The following PRDM16 variants were observed in gnomAD, a reference collection of about 807,000 sequenced individuals.
PRDM16 encodes histone-lysine N-methyltransferase PRDM16.
Under a neutral mutation model 110.6 loss-of-function variants are expected in PRDM16, and 23 were observed. That is an observed-to-expected ratio of 0.21 (90% confidence interval 0.15 to 0.29). The LOEUF (loss-of-function observed/expected upper bound fraction) is 0.29. Among genes scored for constraint, PRDM16 ranks in the 10% least tolerant of loss-of-function variants. PRDM16 has a pLI of 1.00. For missense variants in PRDM16, 1,615 were observed against 1,794.3 expected, an observed-to-expected ratio of 0.90 and a Z score of 1.81; for synonymous variants, 799 against 781.8, an observed-to-expected ratio of 1.02 and a Z score of -0.37.
chr1:3,080,788 G>A lies in PRDM16; in HGVS notation c.37+11492G>A, dbSNP rs998438708. Among the ~76,000 whole-genome samples, 12 of 152,236 alleles carry A rather than the reference G, an allele frequency of 7.9e-5. No homozygotes were observed. Among genetic ancestry groups the A allele is most frequent in the African/African-American group, 2.6e-4 (11 of 41,544 alleles). ...CTTCCGGGCCGGGGAAATCTGAGCAGCCACAGGCGAATCTGGGACGATGGC... is the reference window on the plus strand; with the variant it reads ...CTTCCGGGCCGGGGAAATCTGAGCAACCACAGGCGAATCTGGGACGATGGC... On this transcript the variant is annotated intron_variant, in intron 1 of 16. Coordinates refer to ENST00000270722, the MANE Select transcript of PRDM16 (RefSeq NM_022114.4). This position sits in a 1 kb window ranked among gnomAD's most constrained non-coding sequence, Gnocchi z 5.2.
intron 3 of PRDM16, among the ~76,000 whole-genome samples, chr1:3,248,625 G>A (rs1294167403): frequency 6.6e-6 from 1 of 152,190 alleles, no homozygotes; most frequent in Admixed American, 6.5e-5. Context: ...AAGTCATTCC[G>A]CCGGAAGAGG....
chr1:3,434,045 C>T lies in PRDM16; in HGVS notation c.*234C>T, dbSNP rs928307083. 3.1e-5 allele frequency: 15 copies of T among 487,604 alleles called. No homozygotes were observed. Among genetic ancestry groups the T allele is most frequent in the Non-Finnish European group, 5.0e-5 (14 of 277,230 alleles). 30.2% of individuals were successfully genotyped at this position (487,604 alleles called of 1,614,324 possible). A position where few individuals can be genotyped will look rare whatever the true frequency, so the allele number is the denominator to read the frequency against. On this transcript the variant is annotated 3_prime_UTR_variant, in exon 17 of 17. Coordinates refer to ENST00000270722, the MANE Select transcript of PRDM16 (RefSeq NM_022114.4). ...TGGTCTTGAGAACACTGTTCAGTGACGGCCATGCAGGTGGCCGTCCAAAGA... is the reference window on the plus strand; with the variant it reads ...TGGTCTTGAGAACACTGTTCAGTGATGGCCATGCAGGTGGCCGTCCAAAGA...
At chr1:3,427,286 C>T (rs577900306) in intron 14 of PRDM16, among the ~76,000 whole-genome samples, 1 of 152,202 alleles carries the variant, frequency 6.6e-6, no homozygotes, top group Admixed American at 6.5e-5. Flanking sequence ...GGCAGAGAAC[C>T]GAAGGTGTTC....
chr1:3,329,989 G>C (rs1034846128), intron 3 of PRDM16, among the ~76,000 whole-genome samples: 1 of 152,262 alleles, frequency 6.6e-6, no homozygotes, highest in Admixed American at 6.5e-5. Flanking sequence ...GGAGATCACT[G>C]TCCCTTTAAG....
chr1:3,259,405 G>T (rs181169701), intron 3 of PRDM16, among the ~76,000 whole-genome samples: 13 of 152,214 alleles, frequency 8.5e-5, no homozygotes, highest in Admixed American at 3.3e-4. Flanking sequence ...GGGTGGTAGA[G>T]GCCACCCCTT....
intron 1 of PRDM16, among the ~76,000 whole-genome samples, chr1:3,114,132 A>G (rs181796109): frequency 2.0e-5 from 3 of 152,200 alleles, no homozygotes; most frequent in Non-Finnish European, 2.9e-5. Flanking sequence ...AGCGGCGTGT[A>G]TCTCTGCACA....
intron 1 of PRDM16, among the ~76,000 whole-genome samples, chr1:3,162,240 G>A (rs569023687): frequency 2.2e-4 from 34 of 152,228 alleles, no homozygotes; most frequent in Non-Finnish European, 4.0e-4. Context: ...GGAAAACCCC[G>A]TGCCCGGTAA....
chr1:3,096,813 T>C (rs1265271946), intron 1 of PRDM16, among the ~76,000 whole-genome samples: 1 of 152,200 alleles, frequency 6.6e-6, no homozygotes, highest in Non-Finnish European at 1.5e-5. Flanking sequence ...CCAGTGCCTG[T>C]CTTTCCTTGT....
chr1:3,217,589 C>T (rs1275132070), intron 2 of PRDM16, among the ~76,000 whole-genome samples: 1 of 152,208 alleles, frequency 6.6e-6, no homozygotes, highest in East Asian at 1.9e-4. Context: ...GTGCGCTGGC[C>T]TAAGTCTACG....
chr1:3,130,298 G>A (rs750985947), intron 1 of PRDM16, among the ~76,000 whole-genome samples: 35 of 152,222 alleles, frequency 2.3e-4, no homozygotes, highest in Admixed American at 2.2e-3. Flanking sequence ...AGAAGCTGGG[G>A]GCTCCAGGGC....
rs1638571639 is a variant in PRDM16 at position 3,425,371 on chromosome 1, T to C, written c.2940-210T>C. 3 of 537,666 alleles carry C rather than the reference T, an allele frequency of 5.6e-6. No homozygotes were observed. The South Asian group carries it at 7.0e-5, about 12-fold the overall frequency. 33.3% of individuals were successfully genotyped at this position (537,666 alleles called of 1,614,324 possible). ...GTGATTATAGGCGTGAACCCCTGCT[T>C]CTTGAAGCCGGGGCTGTTTCTAGGG... On this transcript the variant is annotated intron_variant, in intron 12 of 16. Coordinates refer to ENST00000270722, the MANE Select transcript of PRDM16 (RefSeq NM_022114.4). This position sits in a 1 kb window ranked among gnomAD's most constrained non-coding sequence, Gnocchi z 6.9.
At chr1:3,431,286 G>T (rs1274151407) in intron 15 of PRDM16, among the ~76,000 whole-genome samples, 178 bp downstream of exon 15, 1 of 152,224 alleles carries the variant, frequency 6.6e-6, no homozygotes. Context: ...GGGCAACGGG[G>T]TCAGGGGCCC....
At chr1:3,197,530 C>T (rs1638510813) in intron 2 of PRDM16, among the ~76,000 whole-genome samples, 1 of 152,248 alleles carries the variant, frequency 6.6e-6, no homozygotes, top group Admixed American at 6.5e-5. Flanking sequence ...CAAGGCTGTG[C>T]CGGGATCAGC....
At chr1:3,322,302 A>C (rs1364278129) in intron 3 of PRDM16, among the ~76,000 whole-genome samples, 1 of 152,104 alleles carries the variant, frequency 6.6e-6, no homozygotes, top group Non-Finnish European at 1.5e-5. Context: ...GAGCGAGGGG[A>C]AACAGGCCCG....
At chr1:3,203,928 G>A (rs1377175120) in intron 2 of PRDM16, among the ~76,000 whole-genome samples, 6 of 152,168 alleles carry the variant, frequency 3.9e-5, no homozygotes, top group Non-Finnish European at 5.9e-5. Flanking sequence ...AGAAGGCGGT[G>A]CCCCAGTGCA....
chr1:3,213,748 C>T lies in PRDM16; in HGVS notation c.387+27274C>T, dbSNP rs1007351805. 2.0e-5 allele frequency among the ~76,000 whole-genome samples: 3 copies of T among 152,058 alleles called. No homozygotes were observed. Among genetic ancestry groups the T allele is most frequent in the Non-Finnish European group, 2.9e-5 (2 of 67,978 alleles). Reference sequence around the variant, plus strand: ...TCCCCAGGCAAGGAAGCGGGGTTTCCGGGACACCACGTCCACCCCAGGTCA... The same window carrying T: ...TCCCCAGGCAAGGAAGCGGGGTTTCTGGGACACCACGTCCACCCCAGGTCA... On this transcript the variant is annotated intron_variant, in intron 2 of 16. Transcript: ENST00000270722. This position sits in a 1 kb window ranked among gnomAD's most constrained non-coding sequence, Gnocchi z 5.3.
At position 3,201,027 on chromosome 1, in the gene PRDM16, A is replaced by G. The variant is rs1469851358; in HGVS notation, c.387+14553A>G. ...AGGAGGAGGACAGCTGAGAGCTGTGAGTCCAGGGTCAACCCTTAGCCGGAG... is the reference window on the plus strand; with the variant it reads ...AGGAGGAGGACAGCTGAGAGCTGTGGGTCCAGGGTCAACCCTTAGCCGGAG... On this transcript the variant is annotated intron_variant, in intron 2 of 16. Coordinates refer to ENST00000270722, the MANE Select transcript of PRDM16 (RefSeq NM_022114.4). This position sits in a 1 kb window ranked among gnomAD's most constrained non-coding sequence, Gnocchi z 4.1. Among the ~76,000 whole-genome samples the G allele has an allele frequency of 6.6e-6, 1 of 152,060 alleles. No homozygotes were observed. The highest frequency in any genetic ancestry group is 2.4e-5 in the African/African-American group (1 of 41,402).
At chr1:3,273,852 A>G (rs1193475166) in intron 3 of PRDM16, among the ~76,000 whole-genome samples, 8 of 125,850 alleles carry the variant, frequency 6.4e-5, no homozygotes, top group Non-Finnish European at 1.4e-4. Context: ...GTGTGTGTGT[A>G]TGGGCTGCTT....
intron 1 of PRDM16, among the ~76,000 whole-genome samples, chr1:3,176,746 A>G (rs1180951382): frequency 1.4e-4 from 21 of 149,358 alleles, no homozygotes; most frequent in African/African-American, 3.9e-4. Context: ...CCATCCATCT[A>G]TTCTTCCATC....
Sources: gnomAD v4.1 joint callset for allele counts (sites outside exome capture counted in the v4.1 genomes callset) on GRCh38, gnomAD v4.1.1 for gene constraint, Gnocchi (gnomAD v3.1) non-coding constraint, MANE v1.5 for transcripts, NCBI Gene and HGNC (gene_info 2026-07-23, HGNC 2026-07-21) for gene names.